The following CA10 variants were observed in gnomAD, a reference collection of about 807,000 sequenced individuals.
The protein encoded by CA10 is carbonic anhydrase-related protein 10.
CA10 carries 14 observed loss-of-function variants against 44.2 expected under a neutral mutation model. That is an observed-to-expected ratio of 0.32 (90% CI 0.21 to 0.50). The LOEUF (loss-of-function observed/expected upper bound fraction) is 0.50, where lower values mean the gene tolerates loss of function less well. CA10 is among the 20% of genes least tolerant of loss of function. The pLI is 0.99. For missense variants in CA10, 350 were observed against 409.7 expected (o/e 0.85, Z 1.26); for synonymous variants, 159 against 141.6 (o/e 1.12, Z -0.87).
At chr17:51,683,377 T>C (rs1325415493) in intron 4 of CA10, among the ~76,000 whole-genome samples, 1 of 152,170 alleles carries the variant, frequency 6.6e-6, no homozygotes, top group African/African-American at 2.4e-5. Flanking sequence ...AGTAAAGCTC[T>C]CCTGGTCACA....
intron 2 of CA10, among the ~76,000 whole-genome samples, chr17:52,025,110 A>G (rs543950627): frequency 6.6e-6 from 1 of 152,120 alleles, no homozygotes; most frequent in South Asian, 2.1e-4. Flanking sequence ...AATGTCTTAA[A>G]TATACATACA....
intron 3 of CA10, among the ~76,000 whole-genome samples, chr17:51,813,327 G>T (rs1482746958): frequency 1.3e-5 from 2 of 152,224 alleles, no homozygotes; most frequent in Non-Finnish European, 2.9e-5. Context: ...CACACCTACG[G>T]TGCAGGTTTT....
At chr17:51,758,217 A>T (rs1254273495) in intron 3 of CA10, among the ~76,000 whole-genome samples, 2 of 152,260 alleles carry the variant, frequency 1.3e-5, no homozygotes, top group African/African-American at 4.8e-5. Context: ...TGAAATGATC[A>T]CATGCACTGC....
At chr17:51,810,401 G>GAGAAGGCTTCCTGC (rs1452561851) in intron 3 of CA10, among the ~76,000 whole-genome samples, 1 of 152,198 alleles carries the variant, frequency 6.6e-6, no homozygotes, top group African/African-American at 2.4e-5. Context: ...ATGGATGTCA[G>GAGAAGGCTTCCTGC]AGAAGGCTTC....
At chr17:51,678,759 A>G (rs1463786415) in intron 4 of CA10, among the ~76,000 whole-genome samples, 2 of 152,254 alleles carry the variant, frequency 1.3e-5, no homozygotes, top group Non-Finnish European at 2.9e-5. Context: ...AGACAGATCC[A>G]GGAGCATAAA....
At chr17:51,713,259 G>A (rs1446451034) in intron 4 of CA10, among the ~76,000 whole-genome samples, 1 of 152,128 alleles carries the variant, frequency 6.6e-6, no homozygotes, top group Non-Finnish European at 1.5e-5. Flanking sequence ...CTGGATCAAC[G>A]GCTGGACTTC....
intron 4 of CA10, among the ~76,000 whole-genome samples, chr17:51,654,388 T>C (rs974441145): frequency 3.3e-5 from 5 of 152,224 alleles, no homozygotes; most frequent in African/African-American, 1.2e-4. Context: ...TAAACATACA[T>C]ATATGTTCAA....
chr17:51,800,608 G>C (rs896012502), intron 3 of CA10, among the ~76,000 whole-genome samples: 2 of 152,120 alleles, frequency 1.3e-5, no homozygotes, highest in Non-Finnish European at 2.9e-5. Flanking sequence ...AATCTATGAT[G>C]CTATAGATTG....
intron 1 of CA10, among the ~76,000 whole-genome samples, chr17:52,083,703 G>T (rs536931454): frequency 6.6e-6 from 1 of 152,260 alleles, no homozygotes; most frequent in East Asian, 1.9e-4. Context: ...TTAAGCTAAT[G>T]GTCTTCAGTT....
chr17:51,712,999 C>T (rs947154557), intron 4 of CA10, among the ~76,000 whole-genome samples: 1 of 152,222 alleles, frequency 6.6e-6, no homozygotes, highest in Non-Finnish European at 1.5e-5. Context: ...CACAGATCCT[C>T]TTTTCTTGCC....
chr17:51,919,307 A>G (rs1982130627), intron 3 of CA10, among the ~76,000 whole-genome samples: 1 of 152,204 alleles, frequency 6.6e-6, no homozygotes, highest in Admixed American at 6.5e-5. Flanking sequence ...CAAGGAGTAG[A>G]TCGACCAATT....
At chr17:51,740,007 C>T (rs1904393748) in intron 4 of CA10, among the ~76,000 whole-genome samples, 1 of 151,874 alleles carries the variant, frequency 6.6e-6, no homozygotes, top group African/African-American at 2.4e-5. Context: ...ATTTACTTAC[C>T]TTGTATTTGT....
At chr17:51,921,152 C>T (rs1340334338) in intron 3 of CA10, among the ~76,000 whole-genome samples, 2 of 152,142 alleles carry the variant, frequency 1.3e-5, no homozygotes, top group Non-Finnish European at 2.9e-5. Context: ...ATATTCCACA[C>T]GTCCCATCTA....
intron 2 of CA10, among the ~76,000 whole-genome samples, chr17:51,949,961 T>C (rs203008): frequency 0.97 from 147,828 of 152,250 alleles, 71,885 homozygotes; most frequent in East Asian, 1. Flanking sequence ...ACCATGTGAA[T>C]ATTTATTCAT....
intron 3 of CA10, among the ~76,000 whole-genome samples, chr17:51,754,642 C>A (rs905324413): frequency 6.6e-6 from 1 of 151,418 alleles, no homozygotes; most frequent in African/African-American, 2.4e-5. Context: ...TGAGGCCCAT[C>A]AACCTTATGC....
chr17:51,689,729 C>T (rs1358121354), intron 4 of CA10, among the ~76,000 whole-genome samples: 1 of 152,106 alleles, frequency 6.6e-6, no homozygotes, highest in Non-Finnish European at 1.5e-5. Context: ...AGGCAACATG[C>T]CTTTTCTTTC....
chr17:51,688,326 T>G (rs1463926330), intron 4 of CA10, among the ~76,000 whole-genome samples: 3 of 152,248 alleles, frequency 2.0e-5, no homozygotes, highest in African/African-American at 7.2e-5. Context: ...TAATGTTTTT[T>G]AAGTCATTAC....
chr17:51,654,408 C>T (rs537968717), intron 4 of CA10, among the ~76,000 whole-genome samples: 6 of 152,234 alleles, frequency 3.9e-5, no homozygotes, highest in Admixed American at 2.0e-4. Context: ...AACAGATGCT[C>T]CAGCAATTTT....
intron 2 of CA10, among the ~76,000 whole-genome samples, chr17:52,045,547 G>A (rs1028682936): frequency 1.3e-5 from 2 of 151,950 alleles, no homozygotes; most frequent in South Asian, 4.1e-4. Context: ...CAAGAGGAGG[G>A]CAATGGAACT....
Sources: gnomAD v4.1 joint callset for allele counts (sites outside exome capture counted in the v4.1 genomes callset) on GRCh38, gnomAD v4.1.1 for gene constraint, MANE v1.5 for transcripts, NCBI Gene and HGNC (gene_info 2026-07-23, HGNC 2026-07-21) for gene names.